The following RAB4A variants were observed in gnomAD, a reference collection of about 807,000 sequenced individuals.
The protein encoded by RAB4A is RAB4A, member RAS oncogene family.
A neutral mutation model predicts 34.5 loss-of-function variants in RAB4A; 20 were observed. The ratio of observed to expected loss-of-function variants is 0.58; its 90% confidence interval spans 0.41 to 0.84. RAB4A has a LOEUF of 0.84. RAB4A is among the 40% of genes least tolerant of loss of function. The pLI, the probability that RAB4A is intolerant of heterozygous loss-of-function variation, is 0.00. For missense variants in RAB4A, 228 were observed against 274.5 expected, an observed-to-expected ratio of 0.83 and a Z score of 1.20; for synonymous variants, 102 against 100.0, an observed-to-expected ratio of 1.02 and a Z score of -0.12.
At chr1:229,300,892 A>G (rs1657369661) in intron 6 of RAB4A, among the ~76,000 whole-genome samples, 1 of 152,204 alleles carries the variant, frequency 6.6e-6, no homozygotes, top group Admixed American at 6.5e-5. Flanking sequence ...AGAGGAATCT[A>G]CAAAAAAGAT....
At chr1:229,287,824 G>A (rs1452304117) in intron 2 of RAB4A, among the ~76,000 whole-genome samples, 2 of 152,176 alleles carry the variant, frequency 1.3e-5, no homozygotes, top group Non-Finnish European at 2.9e-5. Flanking sequence ...CCAGTTGCCA[G>A]TGGCATCCCT....
At chr1:229,273,199 T>C (rs1656543071) in intron 1 of RAB4A, among the ~76,000 whole-genome samples, 1 of 152,182 alleles carries the variant, frequency 6.6e-6, no homozygotes, top group Admixed American at 6.5e-5. Flanking sequence ...GATAGAGCTT[T>C]TATGTTTCAT....
chr1:229,272,352 T>C (rs1656512808), intron 1 of RAB4A, among the ~76,000 whole-genome samples: 1 of 152,164 alleles, frequency 6.6e-6, no homozygotes, highest in South Asian at 2.1e-4. Context: ...GGCATGCTGC[T>C]TCCTTCTCTG....
In RAB4A at chr1:229,272,366, C is replaced by T. The variant is rs76521497; in HGVS notation, c.31+996C>T. ...TGGCATGCTGCTTCCTTCTCTGCAA[C>T]AAATACTGTGGAATGGCATTAGGGA... On this transcript the variant is annotated intron_variant, in intron 1 of 7. Transcript: ENST00000366690. Among the ~76,000 whole-genome samples the T allele has an allele frequency of 3.0e-4, 46 of 152,276 alleles. No homozygotes were observed. In the East Asian group the frequency reaches 7.5e-3, roughly 25 times the overall value.
chr1:229,271,304 G>A lies in RAB4A; in HGVS notation c.-36G>A. 2 of 1,330,398 alleles carry A rather than the reference G, an allele frequency of 1.5e-6. No homozygotes were observed. The highest frequency in any genetic ancestry group is 3.9e-5 in the South Asian group (2 of 51,888). The allele number at this position is 1,330,398 out of a possible 1,614,324, so 82.4% of individuals were successfully genotyped here. ...CGCCGGCGGACCGCGGGCGAGTGCA[G>A]CCGGTGACCCGGCGAGAGGCGGCGC... On this transcript the variant is annotated 5_prime_UTR_variant, in exon 1 of 8. Transcript: ENST00000366690.
chr1:229,293,521 C>T (rs142394755), intron 3 of RAB4A, among the ~76,000 whole-genome samples: 20 of 152,282 alleles, frequency 1.3e-4, no homozygotes, highest in African/African-American at 3.6e-4. Context: ...GAACCTGGGA[C>T]GAAGACCAAA....
chr1:229,304,987 T>C lies in RAB4A; in HGVS notation c.*1194T>C. The C allele has an allele frequency of 1.1e-6, 1 of 907,970 alleles. No individual in the cohort carries two copies. The highest frequency in any genetic ancestry group is 3.4e-5 in the East Asian group (1 of 29,418). The allele number at this position is 907,970 out of a possible 1,614,324, so 56.2% of individuals were successfully genotyped here. A position where few individuals can be genotyped will look rare whatever the true frequency, so the allele number is the denominator to read the frequency against. On this transcript the variant is annotated 3_prime_UTR_variant, in exon 8 of 8. Coordinates refer to ENST00000366690, the MANE Select transcript of RAB4A (RefSeq NM_004578.4). ...TGCAGTATTATTTAAATCTGAAAGG[T>C]TAAAAAGCTTTCTTCACCTTATATA...
chr1:229,289,259 AC>A (rs1416126647), intron 3 of RAB4A: 1 of 161,488 alleles, frequency 6.2e-6, no homozygotes. Flanking sequence ...TTTGATACAC[AC>A]TCCACAAAAT....
At chr1:229,277,278 C>T (rs1181300413) in intron 1 of RAB4A, among the ~76,000 whole-genome samples, 1 of 150,910 alleles carries the variant, frequency 6.6e-6, no homozygotes, top group Non-Finnish European at 1.5e-5. Context: ...CAGGATTCCG[C>T]TGTGCCGACA....
intron 1 of RAB4A, among the ~76,000 whole-genome samples, chr1:229,280,782 T>G (rs111390235): frequency 2.3e-4 from 35 of 152,298 alleles, no homozygotes; most frequent in Non-Finnish European, 4.7e-4. Flanking sequence ...ACAGACTTCC[T>G]TCCTATCACC....
intron 3 of RAB4A, among the ~76,000 whole-genome samples, chr1:229,289,616 G>A (rs1056208538): frequency 5.3e-5 from 8 of 152,160 alleles, no homozygotes; most frequent in African/African-American, 1.9e-4. Context: ...AGGAGTTCAA[G>A]ACCAGCCTGG....
intron 1 of RAB4A, among the ~76,000 whole-genome samples, chr1:229,286,041 T>A (rs933698710): frequency 6.6e-6 from 1 of 152,208 alleles, no homozygotes; most frequent in Non-Finnish European, 1.5e-5. Flanking sequence ...ACAAAACTTA[T>A]TTTTTTCCTT....
Position 229,299,004 on chromosome 1 carries a change from T to C in RAB4A, c.473T>C (p.Leu158Pro). The C allele has an allele frequency of 6.2e-7, 1 of 1,610,164 alleles. No individual in the cohort carries two copies. The highest frequency in any genetic ancestry group is 8.5e-7 in the Non-Finnish European group (1 of 1,179,220). ...NELMFLETSA[L>P]TGENVEEAFV... ...CTGATGTTTTTGGAAACAAGTGCGC[T>C]CACAGGGGAGAATGTAGAAGAGGCT... Residue 158 changes from leucine (L) to proline (P), a missense_variant, in exon 6 of 8, where the codon CTC (leucine) becomes CCC (proline). Physicochemically the swap from Leu to Pro is moderately conservative, Grantham distance 98. Transcript: ENST00000366690.
chr1:229,274,054 T>TTA (rs2102831164), intron 1 of RAB4A, among the ~76,000 whole-genome samples: 1 of 133,768 alleles, frequency 7.5e-6, no homozygotes, highest in East Asian at 2.1e-4. Context: ...TTTCCCTTTT[T>TTA]TTTTTTTTTT....
At chr1:229,286,384 G>T in intron 1 of RAB4A, 102 bp from the exon 2 acceptor site, 2 of 690,060 alleles carry the variant, frequency 2.9e-6, no homozygotes, top group Admixed American at 3.5e-5. Context: ...TCTTTTTCCT[G>T]TTATATTAAC....
rs558067222 is a variant in RAB4A at position 229,278,416 on chromosome 1, T to G, written c.31+7046T>G. 3.3e-5 allele frequency among the ~76,000 whole-genome samples: 5 copies of G among 152,060 alleles called. 1 individual carries two copies. Among genetic ancestry groups the G allele is most frequent in the African/African-American group, 9.7e-5 (4 of 41,446 alleles). On this transcript the variant is annotated intron_variant, in intron 1 of 7. Coordinates refer to ENST00000366690, the MANE Select transcript of RAB4A (RefSeq NM_004578.4). ...AATCATTTTTCTTATCCTGGCCACC[T>G]CTCTCTCCACATCAGCTATTTTAAA...
At chr1:229,271,877 T>C (rs1656494212) in intron 1 of RAB4A, among the ~76,000 whole-genome samples, 1 of 152,220 alleles carries the variant, frequency 6.6e-6, no homozygotes, top group South Asian at 2.1e-4. Context: ...CATTCATCTC[T>C]TCCTCCGGAG....
At chr1:229,284,097 T>G (rs1442992263) in intron 1 of RAB4A, among the ~76,000 whole-genome samples, 1 of 128,656 alleles carries the variant, frequency 7.8e-6, no homozygotes, top group African/African-American at 3.5e-5. Context: ...TTGTTTGGTT[T>G]TTTTTTTTTT....
Position 229,302,870 on chromosome 1 carries a change from G to C in RAB4A, c.550G>C (p.Asp184His), listed in dbSNP as rs888851409. The change falls in exon 7 of 8, where the codon GAC becomes CAC. Residue 184 changes from aspartate to histidine, a missense_variant. Asp to His is a moderately conservative substitution (Grantham distance 81, BLOSUM62 -1). Coordinates refer to ENST00000366690, the MANE Select transcript of RAB4A (RefSeq NM_004578.4). ...ACTTGCTTGGTCCTTAGGTGAGCTG[G>C]ACCCAGAAAGAATGGGCTCAGGTAT... The part of the protein sequence containing the change: ...ILNKIESGEL[D>H]PERMGSGIQY... 10 of 1,612,764 alleles carry C rather than the reference G, an allele frequency of 6.2e-6. No homozygotes were observed. Among genetic ancestry groups the C allele is most frequent in the Non-Finnish European group, 8.5e-6 (10 of 1,179,264 alleles).
Sources: gnomAD v4.1 joint callset for allele counts (sites outside exome capture counted in the v4.1 genomes callset) on GRCh38, gnomAD v4.1.1 for gene constraint, MANE v1.5 for transcripts, NCBI Gene and HGNC (gene_info 2026-07-23, HGNC 2026-07-21) for gene names.